Variants in ZBTB20 observed in about 807,000 individuals in gnomAD.
The protein encoded by ZBTB20 is zinc finger and BTB domain-containing protein 20.
ZBTB20 carries 9 observed loss-of-function variants against 56.9 expected under a neutral mutation model. The ratio of observed to expected loss-of-function variants is 0.16; its 90% CI spans 0.10 to 0.28. ZBTB20 has a LOEUF of 0.28. Among genes scored for constraint, ZBTB20 ranks in the 10% least tolerant of loss-of-function variants. ZBTB20 has a pLI of 1.00. For missense variants in ZBTB20, 655 were observed against 1,003.0 expected (o/e 0.65, Z 4.69); for synonymous variants, 417 against 420.7 (o/e 0.99, Z 0.11).
intron 6 of ZBTB20, among the ~76,000 whole-genome samples, chr3:114,521,949 C>T (rs1037601691): frequency 6.6e-6 from 1 of 152,070 alleles, no homozygotes; most frequent in East Asian, 1.9e-4. Flanking sequence ...ATTCATACAA[C>T]GAATATTTAC....
intron 3 of ZBTB20, among the ~76,000 whole-genome samples, chr3:114,905,669 A>T (rs2075292131): frequency 6.6e-6 from 1 of 151,912 alleles, no homozygotes; most frequent in Non-Finnish European, 1.5e-5. Context: ...AGTTATTCCC[A>T]ATCTTTAAAG....
intron 3 of ZBTB20, among the ~76,000 whole-genome samples, chr3:114,962,638 T>C (rs2077497695): frequency 6.6e-6 from 1 of 152,118 alleles, no homozygotes; most frequent in South Asian, 2.1e-4. Context: ...ACCTTTTAGA[T>C]TGCACCCAAG....
intron 3 of ZBTB20, among the ~76,000 whole-genome samples, chr3:114,955,889 T>A (rs2077230624): frequency 6.6e-6 from 1 of 151,932 alleles, no homozygotes; most frequent in Admixed American, 6.6e-5. Context: ...AACCAGGAGG[T>A]TTTAGTGAAA....
chr3:114,792,528 A>C (rs1578889554), intron 5 of ZBTB20, among the ~76,000 whole-genome samples: 1 of 152,162 alleles, frequency 6.6e-6, no homozygotes, highest in African/African-American at 2.4e-5. Flanking sequence ...TTACCGTAAA[A>C]TTGTTATGTA....
chr3:114,404,144 G>A (rs1237201650), intron 7 of ZBTB20, among the ~76,000 whole-genome samples: 2 of 152,072 alleles, frequency 1.3e-5, no homozygotes, highest in East Asian at 3.9e-4. Flanking sequence ...ATTTTTCCTT[G>A]TACACATGGA....
At chr3:114,868,180 G>T (rs2075845774) in intron 4 of ZBTB20, among the ~76,000 whole-genome samples, 1 of 152,198 alleles carries the variant, frequency 6.6e-6, no homozygotes, top group Non-Finnish European at 1.5e-5. Context: ...CAATTCCAAT[G>T]TGTGGTATCT....
intron 7 of ZBTB20, chr3:114,453,758 C>T (rs1001233920): frequency 6.6e-6 from 1 of 151,970 alleles, no homozygotes; most frequent in African/African-American, 2.4e-5. Context: ...TTAATTTTTT[C>T]ATGTACATAT....
chr3:114,917,174 G>T (rs2075777542), intron 3 of ZBTB20, among the ~76,000 whole-genome samples: 2 of 152,014 alleles, frequency 1.3e-5, no homozygotes, highest in South Asian at 4.2e-4. Flanking sequence ...GCATTCTTCA[G>T]GGTGTCAACT....
At chr3:114,574,343 G>A (rs1370511097) in intron 6 of ZBTB20, among the ~76,000 whole-genome samples, 4 of 152,112 alleles carry the variant, frequency 2.6e-5, no homozygotes, top group African/African-American at 2.4e-5. Flanking sequence ...TTAAAGCAAG[G>A]TTCTGGATAA....
chr3:114,699,605 T>C (rs1465462792), intron 5 of ZBTB20, among the ~76,000 whole-genome samples: 1 of 152,158 alleles, frequency 6.6e-6, no homozygotes, highest in African/African-American at 2.4e-5. Flanking sequence ...CCATATTCTT[T>C]TAAAAAATGG....
chr3:114,701,873 T>A (rs373814593), intron 5 of ZBTB20, among the ~76,000 whole-genome samples: 1 of 152,348 alleles, frequency 6.6e-6, no homozygotes, highest in African/African-American at 2.4e-5. Flanking sequence ...TAAATCCCTG[T>A]TTATTCATAT....
At chr3:114,629,817 G>T (rs2058841858) in intron 6 of ZBTB20, among the ~76,000 whole-genome samples, 1 of 152,162 alleles carries the variant, frequency 6.6e-6, no homozygotes, top group Admixed American at 6.5e-5. Context: ...CGGGATTAAA[G>T]TAATAAGAGT....
intron 7 of ZBTB20, among the ~76,000 whole-genome samples, chr3:114,397,158 A>G (rs2086400637): frequency 1.3e-5 from 2 of 152,126 alleles, no homozygotes; most frequent in South Asian, 4.1e-4. Flanking sequence ...TCAACTGTGA[A>G]TCTGTATCAC....
rs1462371640 is a variant in ZBTB20, at chr3:114,327,097, C to T, written c.*11908G>A. ...TTAGTTACTGTTAGGGCTATTGATG[C>T]TCCTGACAGGTGTCAGCTTGGAAAG... On this transcript the variant is annotated 3_prime_UTR_variant, in exon 12 of 12. Coordinates refer to ENST00000675478, the MANE Select transcript of ZBTB20 (RefSeq NM_001348800.3). 6.6e-6 allele frequency: 1 copy of T among 152,114 alleles called. No individual in the cohort carries two copies. Among genetic ancestry groups the T allele is most frequent in the Non-Finnish European group, 1.5e-5 (1 of 68,024 alleles). The allele number at this position is 152,114 out of a possible 1,614,324, so 9.4% of individuals were successfully genotyped here.
At chr3:114,520,744 C>A (rs2046549528) in intron 6 of ZBTB20, among the ~76,000 whole-genome samples, 1 of 152,088 alleles carries the variant, frequency 6.6e-6, no homozygotes, top group Admixed American at 6.6e-5. Flanking sequence ...CCCTTTATAT[C>A]AAATGAATTA....
rs1329192357 is a variant in ZBTB20, at chr3:114,731,792, T to TACCTA, written c.-342-38218_-342-38217insTAGGT. Reference sequence around the variant, plus strand: ...CCTAGATTAGTAACTAATCCGGCTGTGCCTAGATTAGTAACTAATCCGGCT... The same window carrying TACCTA: ...CCTAGATTAGTAACTAATCCGGCTGTACCTAGCCTAGATTAGTAACTAATCCGGCT... On this transcript the variant is annotated intron_variant, in intron 5 of 11. Transcript: ENST00000675478. Among the ~76,000 whole-genome samples the TACCTA allele has an allele frequency of 4.6e-4, 67 of 144,578 alleles. 3 individuals are homozygous for TACCTA. Among genetic ancestry groups the TACCTA allele is most frequent in the South Asian group, 2.1e-3 (9 of 4,284 alleles). The allele number at this position is 144,578 out of a possible 152,430, so 94.8% of individuals were successfully genotyped here.
At position 114,338,823 on chromosome 3, in the gene ZBTB20, G is replaced by T; in HGVS notation, c.*182C>A. 2 of 630,040 alleles carry T rather than the reference G, an allele frequency of 3.2e-6. No individual in the cohort carries two copies. Among genetic ancestry groups the T allele is most frequent in the Non-Finnish European group, 5.0e-6 (2 of 404,006 alleles). The allele number at this position is 630,040 out of a possible 1,614,324, so 39.0% of individuals were successfully genotyped here. A position where few individuals can be genotyped will look rare whatever the true frequency, so the allele number is the denominator to read the frequency against. ...ATTATTCACCCAAGCCTCCGGAAAT[G>T]TAATGTACCAGCAGGCAAAAAACAG... On this transcript the variant is annotated 3_prime_UTR_variant, in exon 12 of 12. Coordinates refer to ENST00000675478, the MANE Select transcript of ZBTB20 (RefSeq NM_001348800.3).
chr3:114,874,278 C>T (rs2076114552), intron 4 of ZBTB20, among the ~76,000 whole-genome samples: 1 of 152,080 alleles, frequency 6.6e-6, no homozygotes, highest in Admixed American at 6.6e-5. Context: ...TCCTGAAATG[C>T]TTTTTGCTCT....
chr3:114,636,231 G>C (rs1018378371), intron 6 of ZBTB20, among the ~76,000 whole-genome samples: 2 of 152,118 alleles, frequency 1.3e-5, no homozygotes, highest in African/African-American at 4.8e-5. Context: ...GACTTTCCTA[G>C]ACAAACATGC....
Sources: allele counts gnomAD v4.1 joint callset (sites outside exome capture counted in the v4.1 genomes callset), GRCh38; gene constraint gnomAD v4.1.1; transcripts MANE v1.5; gene names NCBI Gene and HGNC (gene_info 2026-07-23, HGNC 2026-07-21).